Variants in TREH observed in about 807,000 individuals in gnomAD.
The protein encoded by TREH is trehalase.
In TREH, 69 loss-of-function variants were observed where a neutral mutation model predicts 80.5. The ratio of observed to expected loss-of-function variants is 0.86; its 90% CI spans 0.71 to 1.05. The LOEUF is 1.05. Among genes scored for constraint, TREH ranks in the 50% least tolerant of loss-of-function variants. The pLI, the probability that TREH is intolerant of heterozygous loss-of-function variation, is 0.00. For missense variants in TREH, 716 were observed against 718.8 expected (o/e 1.00, Z 0.04); for synonymous variants, 309 against 293.5 (o/e 1.05, Z -0.54).
chr11:118,667,044 G>A (rs755323575), intron 1 of TREH, among the ~76,000 whole-genome samples: 2 of 151,386 alleles, frequency 1.3e-5, no homozygotes, highest in African/African-American at 2.4e-5. Context: ...CACCACGCCC[G>A]GCTAATTTTG....
At chr11:118,662,813 G>A (rs782815257) in intron 4 of TREH, 68 bp downstream of exon 4, 24 of 1,517,536 alleles carry the variant, frequency 1.6e-5, no homozygotes, top group Non-Finnish European at 2.1e-5. Context: ...AAGACACTGT[G>A]GGCCCCAGGC....
rs1555147217 is a variant in TREH at position 118,679,518 on chromosome 11, C to T, written c.89+21G>A. On this transcript the variant is annotated intron_variant, in intron 1 of 14. Transcript: ENST00000264029. ...TCCCTCTTATTGCCATCCTCCCCTGCTGCCTTCCCCACACCCCTACCTCTC... is the reference window on the plus strand; with the variant it reads ...TCCCTCTTATTGCCATCCTCCCCTGTTGCCTTCCCCACACCCCTACCTCTC... 6.8e-6 allele frequency: 10 copies of T among 1,471,924 alleles called. 1 individual carries two copies. The South Asian group carries it at 1.3e-4, about 19-fold the overall frequency. 91.2% of individuals were successfully genotyped at this position (1,471,924 alleles called of 1,614,324 possible). A position where few individuals can be genotyped will look rare whatever the true frequency, so the allele number is the denominator to read the frequency against.
intron 1 of TREH, among the ~76,000 whole-genome samples, chr11:118,664,646 A>G (rs1437754594): frequency 6.6e-6 from 1 of 152,250 alleles, no homozygotes; most frequent in African/African-American, 2.4e-5. Context: ...GACAGCACCT[A>G]GTGTCCAACA....
At chr11:118,671,324 T>C (rs1949427512) in intron 1 of TREH, among the ~76,000 whole-genome samples, 1 of 152,142 alleles carries the variant, frequency 6.6e-6, no homozygotes, top group Non-Finnish European at 1.5e-5. Flanking sequence ...AGCAGATAAA[T>C]GTAACAAAGA....
intron 1 of TREH, among the ~76,000 whole-genome samples, chr11:118,677,008 T>C (rs1949487076): frequency 6.6e-6 from 1 of 152,244 alleles, no homozygotes; most frequent in Admixed American, 6.5e-5. Flanking sequence ...TTCTGGCCTG[T>C]GACCAGCCCT....
At position 118,661,961 on chromosome 11, in the gene TREH, C is replaced by T; in HGVS notation, c.453G>A (p.Glu151=). Residue 151 remains glutamate, a synonymous_variant, in exon 5 of 15, where the codon GAG becomes GAA. Transcript: ENST00000264029. The surrounding 1 kb of genome is among the most constrained non-coding windows in gnomAD (Gnocchi z 4.2). ...GTTCTGAGTAGATGAGAGAGAACCG[C>T]TCAGGGTGGCTGAGAACCTCTGGCT... ...KMKPEVLSHP[E]RFSLIYSEHP... is the part of the protein sequence containing the mutation. 1 of 1,554,388 alleles carries T rather than the reference C, an allele frequency of 6.4e-7. No homozygotes were observed. The highest frequency in any genetic ancestry group is 1.2e-5 in the South Asian group (1 of 84,166).
rs750560035 is a variant in TREH at position 118,665,988 on chromosome 11, A to G, written c.90-2549T>C. The stretch of plus-strand genomic sequence containing the variant: ...CGCGGTGGCTCACGCCTGTAATCCC[A>G]GCACTTTGGAAGGCCAAGGCGGGTG... On this transcript the variant is annotated intron_variant, in intron 1 of 14. Coordinates refer to ENST00000264029, the MANE Select transcript of TREH (RefSeq NM_007180.3). 3.9e-4 allele frequency among the ~76,000 whole-genome samples: 59 copies of G among 152,266 alleles called. 2 individuals carry two copies. Among genetic ancestry groups the G allele is most frequent in the Non-Finnish European group, 1.2e-4 (8 of 68,046 alleles).
chr11:118,661,885 C>A lies in TREH; in HGVS notation c.524+5G>T, dbSNP rs370598412. 2.7e-4 allele frequency: 423 copies of A among 1,559,376 alleles called. No homozygotes were observed. The African/African-American group carries it at 4.6e-3, about 17-fold the overall frequency. On this transcript the variant is annotated splice_donor_5th_base_variant and intron_variant, in intron 5 of 14. Transcript: ENST00000264029. The surrounding 1 kb of genome is among the most constrained non-coding windows in gnomAD (Gnocchi z 4.2). ...CCCCTTGGTCTCTTGGGCCTGGGCGCTCACCAGTAGTAGAACTCAACAAAG... is the reference window on the plus strand; with the variant it reads ...CCCCTTGGTCTCTTGGGCCTGGGCGATCACCAGTAGTAGAACTCAACAAAG...
intron 1 of TREH, among the ~76,000 whole-genome samples, chr11:118,677,280 G>A (rs1226688392): frequency 6.6e-6 from 1 of 152,238 alleles, no homozygotes; most frequent in Non-Finnish European, 1.5e-5. Flanking sequence ...CTTCATGCGT[G>A]CTGTCACATG....
Position 118,659,976 on chromosome 11 carries a change from C to G in TREH, c.1103-12G>C, listed in dbSNP as rs370869391. 283 of 1,550,192 alleles carry G rather than the reference C, an allele frequency of 1.8e-4. No homozygotes were observed. The highest frequency in any genetic ancestry group is 2.4e-4 in the Non-Finnish European group (274 of 1,146,802). On this transcript the variant is annotated splice_polypyrimidine_tract_variant and intron_variant, in intron 10 of 14. Coordinates refer to ENST00000264029, the MANE Select transcript of TREH (RefSeq NM_007180.3). ...CTGGGAGTCGTTCCCTGGGGCAGTGCTGCCTTTAGAGCCAGCAGCCAGTGC... is the reference window on the plus strand; with the variant it reads ...CTGGGAGTCGTTCCCTGGGGCAGTGGTGCCTTTAGAGCCAGCAGCCAGTGC...
chr11:118,659,924 C>G lies in TREH; in HGVS notation c.1143G>C (p.Ser381=). 6.4e-7 allele frequency: 1 copy of G among 1,551,692 alleles called. No homozygotes were observed. Among genetic ancestry groups the G allele is most frequent in the Non-Finnish European group, 8.7e-7 (1 of 1,147,016 alleles). Residue 381 remains serine, a synonymous_variant, in exon 11 of 15, where the codon TCG becomes TCC. Coordinates refer to ENST00000264029, the MANE Select transcript of TREH (RefSeq NM_007180.3). The part of the protein sequence containing the change: ...SQATKYRILR[S]QRLAALNTVL... The stretch of plus-strand genomic sequence containing the variant: ...CTGTGTTCAGGGCGGCCAAGCGCTG[C>G]GACCGCAGGATTCTGTACTTCGTGG...
Position 118,659,837 on chromosome 11 carries a change from GT to G in TREH, c.1229del (p.Asn410ThrfsTer27), listed in dbSNP as rs1949294833. ...FDYDLEKKKK[N>X]REFYPSNLTP... Reference sequence around the variant, plus strand: ...TGAGGTTGGATGGGTAAAACTCCCGGTTTTTCTTCTTCTTCTCAAGGTCGTA... The same window carrying G: ...TGAGGTTGGATGGGTAAAACTCCCGGTTTTCTTCTTCTTCTCAAGGTCGTA... On this transcript the variant is annotated frameshift_variant, in exon 11 of 15. Transcript: ENST00000264029. LOFTEE classifies it high-confidence loss of function. 1.3e-6 allele frequency: 2 copies of G among 1,564,486 alleles called. No individual in the cohort carries two copies. The highest frequency in any genetic ancestry group is 8.7e-7 in the Non-Finnish European group (1 of 1,153,772).
At chr11:118,675,770 C>G (rs895862188) in intron 1 of TREH, among the ~76,000 whole-genome samples, 3 of 140,514 alleles carry the variant, frequency 2.1e-5, no homozygotes, top group African/African-American at 8.1e-5. Flanking sequence ...GTGGTGCAAT[C>G]TCAACTCACT....
intron 1 of TREH, among the ~76,000 whole-genome samples, chr11:118,665,130 G>C (rs571601885): frequency 1.3e-4 from 20 of 151,916 alleles, no homozygotes; most frequent in African/African-American, 4.3e-4. Flanking sequence ...AAAAGTGTGT[G>C]CTCACATTCA....
chr11:118,664,209 G>A (rs1282061271), intron 1 of TREH, among the ~76,000 whole-genome samples: 1 of 152,198 alleles, frequency 6.6e-6, no homozygotes, highest in Non-Finnish European at 1.5e-5. Context: ...ACAGCTCTTG[G>A]TTGAACAACA....
At position 118,658,024 on chromosome 11, in the gene TREH, C is replaced by T. The variant is rs1288940909; in HGVS notation, c.*265G>A. 3 of 521,130 alleles carry T rather than the reference C, an allele frequency of 5.8e-6. No individual in the cohort carries two copies. The highest frequency in any genetic ancestry group is 3.1e-5 in the Admixed American group (1 of 32,012). 32.3% of individuals were successfully genotyped at this position (521,130 alleles called of 1,614,324 possible). On this transcript the variant is annotated 3_prime_UTR_variant, in exon 15 of 15. Transcript: ENST00000264029. ...GCAGAACAATAAAGCCTTTGGACTACGGAAGTGAGTGGAAGGCCGGTGTGG... is the reference window on the plus strand; with the variant it reads ...GCAGAACAATAAAGCCTTTGGACTATGGAAGTGAGTGGAAGGCCGGTGTGG...
At chr11:118,671,825 G>GC (rs1222812153) in intron 1 of TREH, among the ~76,000 whole-genome samples, 9 of 152,064 alleles carry the variant, frequency 5.9e-5, no homozygotes, top group African/African-American at 2.2e-4. Context: ...ATACAATGGA[G>GC]CTCAGTGGTT....
chr11:118,672,597 G>A (rs939491567), intron 1 of TREH, among the ~76,000 whole-genome samples: 70 of 150,716 alleles, frequency 4.6e-4, no homozygotes, highest in African/African-American at 1.3e-3. Flanking sequence ...TGTAATCACA[G>A]CTACTCTGGA....
At chr11:118,662,188 G>A (rs574613760) in intron 4 of TREH, among the ~76,000 whole-genome samples, 198 bp from the exon 5 acceptor site, 3 of 152,066 alleles carry the variant, frequency 2.0e-5, no homozygotes, top group South Asian at 2.1e-4. Context: ...CTCACCTGCC[G>A]GCCTTGGGAG....
Sources: gnomAD v4.1 joint callset for allele counts (sites outside exome capture counted in the v4.1 genomes callset) on GRCh38, gnomAD v4.1.1 for gene constraint, Gnocchi (gnomAD v3.1) non-coding constraint, MANE v1.5 for transcripts, NCBI Gene and HGNC (gene_info 2026-07-23, HGNC 2026-07-21) for gene names.